Variants in ZZEF1 observed in about 807,000 individuals in gnomAD.
ZZEF1 encodes zinc finger ZZ-type and EF-hand domain-containing protein 1.
ZZEF1 carries 157 observed loss-of-function variants against 342.8 expected under a neutral mutation model. The observed-to-expected ratio is 0.46, with a 90% CI of 0.40 to 0.52. ZZEF1 has a LOEUF of 0.52. Among genes scored for constraint, ZZEF1 ranks in the 20% least tolerant of loss-of-function variants. The pLI is 0.00. For synonymous variants in ZZEF1, 1,505 were observed against 1,429.1 expected (o/e 1.05, Z -1.20); for missense variants, 3,480 against 3,725.6 (o/e 0.93, Z 1.72).
chr17:4,089,464 G>C (rs999206615), intron 12 of ZZEF1, among the ~76,000 whole-genome samples: 3 of 152,254 alleles, frequency 2.0e-5, no homozygotes, highest in African/African-American at 7.2e-5. Context: ...CCTTAAGAGA[G>C]TTCCTAATTA....
At chr17:4,044,139 A>G in intron 38 of ZZEF1, 85 bp downstream of exon 38, 1 of 1,487,998 alleles carries the variant, frequency 6.7e-7, no homozygotes, top group Non-Finnish European at 9.2e-7. Context: ...GCCAATGTCA[A>G]GCTGTGTGCC....
chr17:4,124,186 C>T (rs567091360), intron 1 of ZZEF1, 135 bp from the exon 2 acceptor site: 1 of 1,122,156 alleles, frequency 8.9e-7, no homozygotes, highest in South Asian at 1.8e-5. Context: ...CCATATGTAT[C>T]AACCAAAGAT....
chr17:4,058,220 T>A (rs1353360397), intron 31 of ZZEF1, 65 bp from the exon 32 acceptor site: 21 of 1,496,730 alleles, frequency 1.4e-5, no homozygotes, highest in Non-Finnish European at 1.9e-5. Flanking sequence ...ACAGAAGCAA[T>A]TCAAGTAGGT....
In ZZEF1 at chr17:4,090,706, C is replaced by T; in HGVS notation, c.2025+13G>A. ...AAAGGAGGGGAGTGGGCAAACGACG[C>T]ACTAATGCTTACTTTGGCAACTCTG... On this transcript the variant is annotated intron_variant, in intron 12 of 54. Transcript: ENST00000381638. The T allele has an allele frequency of 6.2e-7, 1 of 1,606,512 alleles. No homozygotes were observed. The highest frequency in any genetic ancestry group is 8.5e-7 in the Non-Finnish European group (1 of 1,173,408).
intron 11 of ZZEF1, among the ~76,000 whole-genome samples, chr17:4,093,646 T>C (rs2057984837): frequency 6.6e-6 from 1 of 152,198 alleles, no homozygotes; most frequent in African/African-American, 2.4e-5. Flanking sequence ...TGAATCAGAA[T>C]GTGCATTTTC....
At chr17:4,128,345 TAAAAAAAA>T (rs74340131) in intron 1 of ZZEF1, among the ~76,000 whole-genome samples, 2 of 81,564 alleles carry the variant, frequency 2.5e-5, no homozygotes, top group African/African-American at 1.0e-4. Context: ...CAGACTGTCT[TAAAAAAAA>T]AAAAAAAAAA....
chr17:4,064,356 C>T lies in ZZEF1; in HGVS notation c.4718+5G>A, dbSNP rs1401144945. 1 of 1,570,154 alleles carries T rather than the reference C, an allele frequency of 6.4e-7. No homozygotes were observed. Among genetic ancestry groups the T allele is most frequent in the South Asian group, 1.2e-5 (1 of 85,060 alleles). On this transcript the variant is annotated splice_donor_5th_base_variant and intron_variant, in intron 29 of 54. Coordinates refer to ENST00000381638, the MANE Select transcript of ZZEF1 (RefSeq NM_015113.4). ...AAAGCGACAGGAAGGTAACAACGGG[C>T]TTACCTCCTGTGCGAGAGCGACTGA...
Position 4,017,229 on chromosome 17 carries a change from C to T in ZZEF1, c.8001+142G>A. The T allele has an allele frequency of 8.3e-7, 1 of 1,202,696 alleles. No individual in the cohort carries two copies. The highest frequency in any genetic ancestry group is 1.1e-6 in the Non-Finnish European group (1 of 876,718). 74.5% of individuals were successfully genotyped at this position (1,202,696 alleles called of 1,614,324 possible). ...CAATCCTTGGGAGAGGATACAGTGA[C>T]CCTACCTTTGCTGCATTCACACCTG... On this transcript the variant is annotated intron_variant, in intron 48 of 54. Coordinates refer to ENST00000381638, the MANE Select transcript of ZZEF1 (RefSeq NM_015113.4). The surrounding 1 kb of genome is among the most constrained non-coding windows in gnomAD (Gnocchi z 5.1).
At chr17:4,007,015 C>T (rs1368855125) in intron 54 of ZZEF1, 45 bp from the exon 55 acceptor site, 1 of 1,517,804 alleles carries the variant, frequency 6.6e-7, no homozygotes, top group African/African-American at 1.4e-5. Context: ...GAGCCACTCC[C>T]TCATTCAGTG....
chr17:4,041,476 C>T (rs910274898), intron 39 of ZZEF1, among the ~76,000 whole-genome samples: 29 of 152,088 alleles, frequency 1.9e-4, no homozygotes, highest in Admixed American at 6.6e-5. Flanking sequence ...TTGGGTCCCG[C>T]GGGCACCGTC....
intron 54 of ZZEF1, 87 bp from the exon 55 acceptor site, chr17:4,007,057 G>C: frequency 8.1e-7 from 1 of 1,233,352 alleles, no homozygotes; most frequent in Non-Finnish European, 1.1e-6. Context: ...TGAGCACTGA[G>C]GATGTGGGGA....
chr17:4,031,119 A>T (rs1435547048), intron 42 of ZZEF1, among the ~76,000 whole-genome samples: 1 of 152,104 alleles, frequency 6.6e-6, no homozygotes, highest in African/African-American at 2.4e-5. Context: ...GTTTGAGACC[A>T]GCCTGGCCAA....
chr17:4,083,863 C>T (rs2057771095), intron 16 of ZZEF1, among the ~76,000 whole-genome samples: 1 of 152,158 alleles, frequency 6.6e-6, no homozygotes. Context: ...TATGTCTGCT[C>T]ATTGGCTGTT....
Position 4,006,725 on chromosome 17 carries a change from C to A in ZZEF1, c.*165G>T. 1 of 716,584 alleles carries A rather than the reference C, an allele frequency of 1.4e-6. No individual in the cohort carries two copies. The highest frequency in any genetic ancestry group is 3.6e-4 in the Middle Eastern group (1 of 2,772). The allele number at this position is 716,584 out of a possible 1,614,324, so 44.4% of individuals were successfully genotyped here. ...ACAGCCTGTGCTTGTGTCCAGCCTA[C>A]GCACGGGAGCTCTTGGAGACGTGGC... On this transcript the variant is annotated 3_prime_UTR_variant, in exon 55 of 55. Coordinates refer to ENST00000381638, the MANE Select transcript of ZZEF1 (RefSeq NM_015113.4).
chr17:4,085,640 C>T, intron 16 of ZZEF1, 30 bp downstream of exon 16: 2 of 1,611,944 alleles, frequency 1.2e-6, no homozygotes. Flanking sequence ...AGACTTCAGA[C>T]ATTGAATCCA....
intron 33 of ZZEF1, among the ~76,000 whole-genome samples, chr17:4,054,827 C>T (rs996164823): frequency 6.6e-6 from 1 of 152,250 alleles, no homozygotes; most frequent in East Asian, 1.9e-4. Context: ...TGACCATGAC[C>T]AAAGCGTTAA....
chr17:4,069,998 C>A (rs2057477975), intron 26 of ZZEF1, among the ~76,000 whole-genome samples: 1 of 152,116 alleles, frequency 6.6e-6, no homozygotes, highest in Admixed American at 6.5e-5. Context: ...AACACTTTTC[C>A]CCTGAATTAG....
At chr17:4,054,943 C>T (rs753278637) in intron 33 of ZZEF1, among the ~76,000 whole-genome samples, 2 of 152,122 alleles carry the variant, frequency 1.3e-5, no homozygotes, top group African/African-American at 2.4e-5. Context: ...CCTTGGTGAC[C>T]GACTGGATAT....
chr17:4,054,577 G>A (rs2057116747), intron 33 of ZZEF1, among the ~76,000 whole-genome samples: 2 of 152,166 alleles, frequency 1.3e-5, no homozygotes, highest in Non-Finnish European at 1.5e-5. Flanking sequence ...AAATTTGACA[G>A]ACAGCAAAAA....
Sources: allele counts gnomAD v4.1 joint callset (sites outside exome capture counted in the v4.1 genomes callset), GRCh38; gene constraint gnomAD v4.1.1; non-coding constraint Gnocchi (gnomAD v3.1); transcripts MANE v1.5; gene names NCBI Gene and HGNC (gene_info 2026-07-23, HGNC 2026-07-21).